Variants in CHD4 observed in about 807,000 individuals in gnomAD.
CHD4 encodes ATP-dependent chromatin remodeler CHD4.
In CHD4, 35 loss-of-function variants were observed where a neutral mutation model predicts 235.5. The observed-to-expected ratio is 0.15, with a 90% CI of 0.11 to 0.20. CHD4 has a LOEUF of 0.20. CHD4 is among the 10% of genes least tolerant of loss of function. The pLI is 1.00. For synonymous variants in CHD4, 900 were observed against 850.2 expected (o/e 1.06, Z -1.02); for missense variants, 1,329 against 2,432.3 (o/e 0.55, Z 9.54).
In CHD4 at chr12:6,582,734, A is replaced by G. The variant is rs1948216206; in HGVS notation, c.4251T>C (p.Asn1417=). ...TAAGAAAGGCTTTTCGCTGACGAGC[A>G]TTAAAACCAAGTACCTAGGGGAAGA... ...VGGNIEVLGF[N]ARQRKAFLNA... The change falls in exon 29 of 40, where the codon AAT becomes AAC. Residue 1417 remains asparagine, a synonymous_variant. Coordinates refer to ENST00000544040, the MANE Select transcript of CHD4 (RefSeq NM_001273.5). 3.1e-6 allele frequency: 5 copies of G among 1,614,198 alleles called. No homozygotes were observed. Among genetic ancestry groups the G allele is most frequent in the East Asian group, 2.2e-5 (1 of 44,884 alleles).
intron 33 of CHD4, 111 bp downstream of exon 33, chr12:6,580,933 G>A: frequency 2.5e-6 from 3 of 1,196,256 alleles, no homozygotes; most frequent in South Asian, 1.4e-5. Context: ...CTCGAACCTG[G>A]GAGGTGGAGG....
At chr12:6,586,263 G>A (rs991350778) in intron 25 of CHD4, among the ~76,000 whole-genome samples, 1 of 151,356 alleles carries the variant, frequency 6.6e-6, no homozygotes, top group Non-Finnish European at 1.5e-5. Context: ...AGCTGGGTGT[G>A]GAGGCAGGCA....
intron 37 of CHD4, chr12:6,577,580 T>TA (rs1303568847): frequency 1.6e-6 from 1 of 622,022 alleles, no homozygotes; most frequent in South Asian, 2.0e-5. Flanking sequence ...ATTGGACACA[T>TA]AGTCACCTAC....
At chr12:6,578,716 G>C in intron 34 of CHD4, 130 bp downstream of exon 34, 5 of 1,347,034 alleles carry the variant, frequency 3.7e-6, no homozygotes, top group Non-Finnish European at 5.3e-6. Context: ...CTAAATGTGG[G>C]GACAGGTACA....
chr12:6,591,254 C>A, intron 22 of CHD4: 1 of 426,406 alleles, frequency 2.3e-6, no homozygotes, highest in Non-Finnish European at 4.2e-6. Flanking sequence ...ATGCTTTCTT[C>A]TTTCTAGCAG....
chr12:6,594,001 AATTTTGT>A (rs1250380033), intron 15 of CHD4, among the ~76,000 whole-genome samples: 1 of 152,046 alleles, frequency 6.6e-6, no homozygotes, highest in Non-Finnish European at 1.5e-5. Context: ...ACATCCGGCT[AATTTTGT>A]ATTTTTAGTA....
At chr12:6,587,632 G>A in intron 24 of CHD4, 73 bp from the exon 25 acceptor site, 1 of 1,605,956 alleles carries the variant, frequency 6.2e-7, no homozygotes, top group Non-Finnish European at 8.5e-7. Context: ...AGTCCCACAA[G>A]ACCCTTGGTA....
chr12:6,586,293 C>T (rs889689193), intron 25 of CHD4, among the ~76,000 whole-genome samples: 3 of 150,006 alleles, frequency 2.0e-5, no homozygotes, highest in Non-Finnish European at 3.0e-5. Context: ...CCCAGCTACT[C>T]GGGAGGCTGA....
chr12:6,598,139 G>C (rs753743099), intron 11 of CHD4, 40 bp from the exon 12 acceptor site: 43 of 1,612,574 alleles, frequency 2.7e-5, no homozygotes, highest in Non-Finnish European at 3.6e-5. Flanking sequence ...AAGAAGCTGT[G>C]TTCATTCCTT....
At chr12:6,578,978 A>G in intron 33 of CHD4, 61 bp from the exon 34 acceptor site, 1 of 1,481,030 alleles carries the variant, frequency 6.8e-7, no homozygotes, top group Non-Finnish European at 9.4e-7. Context: ...TCTGTTGCAC[A>G]CTATTATCCA....
chr12:6,573,552 C>G, intron 37 of CHD4: 1 of 252,106 alleles, frequency 4.0e-6, no homozygotes, highest in Non-Finnish European at 7.4e-6. Context: ...AAATTTTTAA[C>G]AACAGATAAT....
intron 12 of CHD4, among the ~76,000 whole-genome samples, chr12:6,597,610 C>T (rs760334309): frequency 6.6e-6 from 1 of 151,294 alleles, no homozygotes; most frequent in Non-Finnish European, 1.5e-5. Flanking sequence ...ACTAAAAATA[C>T]AAAAAATTAG....
rs780693165 is a variant in CHD4, at chr12:6,583,214, G to T, written c.4044C>A (p.Gly1348=). 1.2e-6 allele frequency: 2 copies of T among 1,614,206 alleles called. No homozygotes were observed. Among genetic ancestry groups the T allele is most frequent in the Non-Finnish European group, 8.5e-7 (1 of 1,180,048 alleles). Residue 1348 remains glycine (G), a synonymous_variant, in exon 26 of 40, where the codon GGC becomes GGA. Transcript: ENST00000544040. ...CACACACACCTCGGTCCTCCTGGGA[G>T]CCATCATTGTAGTTGACCTGTTTAC... ...RIRKQVNYND[G]SQEDRDWQDD... is the part of the protein sequence containing the mutation.
chr12:6,585,627 A>G (rs1377281073), intron 25 of CHD4, among the ~76,000 whole-genome samples: 1 of 151,622 alleles, frequency 6.6e-6, no homozygotes, highest in Non-Finnish European at 1.5e-5. Context: ...ATCTCTACTA[A>G]AAATACAAAA....
intron 14 of CHD4, 146 bp downstream of exon 14, chr12:6,595,188 G>A: frequency 1.6e-6 from 1 of 609,090 alleles, no homozygotes; most frequent in African/African-American, 1.9e-5. Flanking sequence ...ATAGAGATGT[G>A]GAGAAGTGGG....
Position 6,582,935 on chromosome 12 carries a change from A to G in CHD4, c.4149T>C (p.Ala1383=). 1 of 1,612,842 alleles carries G rather than the reference A, an allele frequency of 6.2e-7. No individual in the cohort carries two copies. Among genetic ancestry groups the G allele is most frequent in the Non-Finnish European group, 8.5e-7 (1 of 1,179,562 alleles). The change falls in exon 28 of 40, where the codon GCT becomes GCC. Residue 1383 remains alanine (A), a splice_region_variant and synonymous_variant. Transcript: ENST00000544040. ...GGCCCTTACGACTGGGCCTACGGGG[A>G]GCTGCAAGAAGAAAAAGATGAATGA... The part of the protein sequence containing the change: ...GDEDFDERSE[A]PRRPSRKGLR...
chr12:6,581,995 G>C (rs1948202046), intron 30 of CHD4, 142 bp downstream of exon 30: 25 of 1,132,980 alleles, frequency 2.2e-5, no homozygotes, highest in South Asian at 3.7e-5. Context: ...TAGAGATGGG[G>C]TTTCGCCATG....
intron 33 of CHD4, chr12:6,580,712 A>AAAAAAAAAAC: frequency 1.4e-5 from 3 of 221,244 alleles, no homozygotes; most frequent in African/African-American, 2.7e-5. Flanking sequence ...TTGAAAAAAA[A>AAAAAAAAAAC]AAAAAAAAAA....
chr12:6,579,545 C>T (rs1948136240), intron 33 of CHD4: 1 of 150,744 alleles, frequency 6.6e-6, no homozygotes, highest in African/African-American at 2.5e-5. Flanking sequence ...GATCACACCA[C>T]TGCACTGCAC....
Sources: allele counts gnomAD v4.1 joint callset (sites outside exome capture counted in the v4.1 genomes callset), GRCh38; gene constraint gnomAD v4.1.1; transcripts MANE v1.5; gene names NCBI Gene and HGNC (gene_info 2026-07-23, HGNC 2026-07-21).